Variants in TAF4 observed in about 807,000 individuals in gnomAD.
TAF4 encodes the protein transcription initiation factor TFIID subunit 4.
A neutral mutation model predicts 90.3 loss-of-function variants in TAF4; 9 were observed. That is an observed-to-expected ratio of 0.10 (90% confidence interval 0.06 to 0.17). TAF4 has a LOEUF of 0.17. Ranked by LOEUF, TAF4 falls within the 10% of genes least tolerant of loss-of-function variation. TAF4 has a pLI of 1.00. For synonymous variants in TAF4, 818 were observed against 638.9 expected (o/e 1.28, Z -4.23); for missense variants, 1,351 against 1,370.7 (o/e 0.99, Z 0.23).
rs181982515 is a variant in TAF4, at chr20:62,057,270, A to T, written c.1360+7181T>A. Among the ~76,000 whole-genome samples, 265 of 152,344 alleles carry T rather than the reference A, an allele frequency of 1.7e-3. 1 individual carries two copies. Among genetic ancestry groups the T allele is most frequent in the South Asian group, 5.2e-3 (25 of 4,828 alleles). On this transcript the variant is annotated intron_variant, in intron 1 of 14. Coordinates refer to ENST00000252996, the MANE Select transcript of TAF4 (RefSeq NM_003185.4). ...TGTGCTTGGGCCACACCCAGCGCCC[A>T]GAGAAGGGTTCAGCTCCCTGGCTCC...
intron 14 of TAF4, among the ~76,000 whole-genome samples, chr20:61,977,274 C>T (rs541664422): frequency 6.6e-6 from 1 of 152,348 alleles, no homozygotes; most frequent in South Asian, 2.1e-4. Context: ...CAGCGGGGCA[C>T]GTGCCACACA....
chr20:62,065,019 G>T lies in TAF4; in HGVS notation c.792C>A (p.Ala264=). 2 of 415,502 alleles carry T rather than the reference G, an allele frequency of 4.8e-6. No individual in the cohort carries two copies. The highest frequency in any genetic ancestry group is 6.3e-6 in the Non-Finnish European group (2 of 319,868). The allele number at this position is 415,502 out of a possible 1,614,324, so 25.7% of individuals were successfully genotyped here. A position where few individuals can be genotyped will look rare whatever the true frequency, so the allele number is the denominator to read the frequency against. Residue 264 remains alanine (A), a synonymous_variant, in exon 1 of 15, where the codon GCC becomes GCA. Transcript: ENST00000252996. ...GCGGGGGCGGGGCGGCGGCGGGGGCGGCGGGCGCGGGGGCGGCGGGGGGCG... is the reference window on the plus strand; with the variant it reads ...GCGGGGGCGGGGCGGCGGCGGGGGCTGCGGGCGCGGGGGCGGCGGGGGGCG... The part of the protein sequence containing the change: ...APSPPAAPAP[A]APAAAPPPPP...
intron 7 of TAF4, among the ~76,000 whole-genome samples, chr20:62,004,328 C>CTTTTTTTTTTTTTT (rs60437230): frequency 8.5e-5 from 10 of 117,198 alleles, no homozygotes; most frequent in South Asian, 2.7e-4. Context: ...CTTTTCTTTT[C>CTTTTTTTTTTTTTT]TTTTTTTTTT....
intron 14 of TAF4, among the ~76,000 whole-genome samples, chr20:61,995,218 G>C (rs552470824): frequency 6.6e-6 from 1 of 152,188 alleles, no homozygotes; most frequent in Non-Finnish European, 1.5e-5. Context: ...AACAGCAGTC[G>C]AGAGAAACTG....
At chr20:62,050,411 G>A (rs1342114155) in intron 1 of TAF4, among the ~76,000 whole-genome samples, 2 of 152,130 alleles carry the variant, frequency 1.3e-5, no homozygotes, top group East Asian at 1.9e-4. Context: ...AACTTCTGAC[G>A]ACTCTTCCCA....
chr20:62,031,602 T>C, intron 1 of TAF4, among the ~76,000 whole-genome samples: 1 of 152,026 alleles, frequency 6.6e-6, no homozygotes, highest in East Asian at 1.9e-4. Flanking sequence ...AGCCTCCCCC[T>C]ACCCTACTCC....
At chr20:62,001,196 G>A (rs1175403362) in intron 9 of TAF4, among the ~76,000 whole-genome samples, 1 of 152,132 alleles carries the variant, frequency 6.6e-6, no homozygotes, top group Non-Finnish European at 1.5e-5. Flanking sequence ...TACAGACAAG[G>A]GCATCCCCTC....
At position 62,064,662 on chromosome 20, in the gene TAF4, C is replaced by T. The variant is rs573970048; in HGVS notation, c.1149G>A (p.Leu383=). ...GCGGCGGGACGGCGGCCGGGCTGGG[C>T]AGCGCCCCTTGCATAGTTGGCCCGA... ...MVIGPTMQGA[L]PSPAAVPPPA... is the part of the protein sequence containing the mutation. Residue 383 remains leucine (L), a synonymous_variant, in exon 1 of 15, where the codon CTG becomes CTA. Coordinates refer to ENST00000252996, the MANE Select transcript of TAF4 (RefSeq NM_003185.4). The T allele has an allele frequency of 8.5e-5, 110 of 1,300,300 alleles. 1 individual carries two copies. The South Asian group carries it at 2.2e-3, about 25-fold the overall frequency. The allele number at this position is 1,300,300 out of a possible 1,614,324, so 80.5% of individuals were successfully genotyped here.
intron 1 of TAF4, among the ~76,000 whole-genome samples, chr20:62,044,632 T>G (rs954931628): frequency 1.3e-5 from 2 of 152,184 alleles, no homozygotes; most frequent in African/African-American, 4.8e-5. Context: ...GAATCTGTGT[T>G]TAAGTATAGG....
intron 14 of TAF4, among the ~76,000 whole-genome samples, chr20:61,990,229 T>C (rs549487446): frequency 2.0e-5 from 3 of 152,260 alleles, no homozygotes; most frequent in African/African-American, 7.2e-5. Flanking sequence ...CGCAAACACA[T>C]GTGGTGTAGC....
chr20:62,038,473 C>A (rs544375045), intron 1 of TAF4, among the ~76,000 whole-genome samples: 6 of 152,168 alleles, frequency 3.9e-5, no homozygotes, highest in East Asian at 1.9e-4. Flanking sequence ...CACTGACCCA[C>A]CGCGCCCGGC....
intron 1 of TAF4, among the ~76,000 whole-genome samples, chr20:62,015,042 T>G (rs1001856780): frequency 6.6e-6 from 1 of 152,000 alleles, no homozygotes; most frequent in African/African-American, 2.4e-5. Context: ...CCCACAGACA[T>G]GCCAGTCTCC....
At chr20:62,022,294 G>T (rs1465830597) in intron 1 of TAF4, among the ~76,000 whole-genome samples, 1 of 152,130 alleles carries the variant, frequency 6.6e-6, no homozygotes, top group African/African-American at 2.4e-5. Flanking sequence ...GTCAGGGCTG[G>T]CTGCAGAATA....
intron 1 of TAF4, among the ~76,000 whole-genome samples, chr20:62,044,286 A>G (rs1423571021): frequency 2.0e-5 from 3 of 152,246 alleles, no homozygotes; most frequent in Non-Finnish European, 4.4e-5. Context: ...GATTATATTA[A>G]GAAAAAATGT....
At chr20:62,002,951 T>C (rs531539289) in intron 9 of TAF4, among the ~76,000 whole-genome samples, 1 of 152,346 alleles carries the variant, frequency 6.6e-6, no homozygotes, top group African/African-American at 2.4e-5. Flanking sequence ...TCTGGCTATG[T>C]GTATGAAGCA....
intron 7 of TAF4, chr20:62,005,828 C>T (rs535407072): frequency 1.3e-5 from 2 of 152,186 alleles, no homozygotes; most frequent in East Asian, 1.9e-4. Context: ...TGAGGGAGCC[C>T]GCACCATTTT....
intron 1 of TAF4, among the ~76,000 whole-genome samples, chr20:62,063,558 G>A (rs1450936386): frequency 6.6e-6 from 1 of 152,150 alleles, no homozygotes; most frequent in Non-Finnish European, 1.5e-5. Context: ...AGACAGGAGC[G>A]TGAGAACTGC....
At chr20:62,038,466 T>A (rs573939539) in intron 1 of TAF4, among the ~76,000 whole-genome samples, 1 of 151,954 alleles carries the variant, frequency 6.6e-6, no homozygotes, top group African/African-American at 2.4e-5. Flanking sequence ...ACCGAGCCAC[T>A]GACCCACCGC....
intron 1 of TAF4, among the ~76,000 whole-genome samples, chr20:62,061,942 G>A (rs990657326): frequency 6.6e-6 from 1 of 152,206 alleles, no homozygotes; most frequent in Non-Finnish European, 1.5e-5. Flanking sequence ...TCGGGCCTAA[G>A]GCTTAGCCTT....
Sources: allele counts gnomAD v4.1 joint callset (sites outside exome capture counted in the v4.1 genomes callset), GRCh38; gene constraint gnomAD v4.1.1; transcripts MANE v1.5; gene names NCBI Gene and HGNC (gene_info 2026-07-23, HGNC 2026-07-21).